NRAP: variants seen among roughly 807,000 people sequenced by gnomAD.
NRAP encodes nebulin related anchoring protein, also known as nebulin-related-anchoring protein.
Under a neutral mutation model 225.9 loss-of-function variants are expected in NRAP, and 189 were observed. The ratio of observed to expected loss-of-function variants is 0.84; its 90% CI spans 0.74 to 0.94. The LOEUF (loss-of-function observed/expected upper bound fraction) is 0.94, where lower values mean the gene tolerates loss of function less well. NRAP is among the 40% of genes least tolerant of loss of function. The pLI, the probability that NRAP is intolerant of heterozygous loss-of-function variation, is 0.00. For missense variants in NRAP, 2,176 were observed against 2,168.7 expected, an observed-to-expected ratio of 1.00 and a Z score of -0.07; for synonymous variants, 769 against 790.7, an observed-to-expected ratio of 0.97 and a Z score of 0.46.
rs765476004 is a variant in NRAP at position 113,614,202 on chromosome 10, G to T, written c.3281C>A (p.Ala1094Glu). 1 of 1,612,398 alleles carries T rather than the reference G, an allele frequency of 6.2e-7. No individual in the cohort carries two copies. The highest frequency in any genetic ancestry group is 8.5e-7 in the Non-Finnish European group (1 of 1,178,416). The change falls in exon 29 of 42, where the codon GCG (alanine) becomes GAG (glutamate). Residue 1094 changes from alanine to glutamate, a missense_variant. Ala to Glu is a moderately radical substitution (Grantham distance 107). Transcript: ENST00000359988. ...DDISLAHSVYATSLQSDVNYK... is the reference protein window; with the variant it reads ...DDISLAHSVYETSLQSDVNYK... The stretch of plus-strand genomic sequence containing the variant: ...ACTTACATCACTCTGCAGTGAGGTC[G>T]CATACACTGAATGTGCAAGGCTGAT...
intron 41 of NRAP, chr10:113,589,291 T>G: frequency 1.7e-6 from 1 of 585,818 alleles, no homozygotes; most frequent in Non-Finnish European, 3.0e-6. Context: ...CCTGGCTTCT[T>G]TCTTCTGAAC....
rs765512154 is a variant in NRAP at position 113,620,664 on chromosome 10, C to A, written c.2814G>T (p.Trp938Cys). The A allele has an allele frequency of 5.6e-6, 9 of 1,613,616 alleles. No homozygotes were observed. The South Asian group carries it at 8.8e-5, about 16-fold the overall frequency. ...CCACATTTAATGACCCGGTGGCGAC[C>A]CAGCCCATGCCTTTCATCCACTTCA... The part of the protein sequence containing the change: ...ADVKWMKGMG[W>C]VATGSLNVEQ... Residue 938 changes from tryptophan to cysteine, a missense_variant, in exon 25 of 42, where the codon TGG (tryptophan) becomes TGT (cysteine). By Grantham distance (215) the Trp-to-Cys change is radical. Around this residue, in one of 3 missense-constraint regions of NRAP, gnomAD observed 1,708 missense variants for 1,695.5 expected, o/e 1.01. Coordinates refer to ENST00000359988, the MANE Select transcript of NRAP (RefSeq NM_198060.4).
At chr10:113,629,079 T>C in intron 19 of NRAP, 58 bp from the exon 20 acceptor site, 1 of 1,187,786 alleles carries the variant, frequency 8.4e-7, no homozygotes, top group Non-Finnish European at 1.3e-6. Flanking sequence ...CAGGACAAAG[T>C]TGATGGGAGA....
rs150124108 is a variant in NRAP at position 113,663,384 on chromosome 10, A to G, written c.135T>C (p.Phe45=). 2.5e-6 allele frequency: 4 copies of G among 1,613,130 alleles called. No individual in the cohort carries two copies. Among genetic ancestry groups the G allele is most frequent in the African/African-American group, 2.7e-5 (2 of 74,934 alleles). Residue 45 remains phenylalanine, a synonymous_variant, in exon 2 of 42, where the codon TTT becomes TTC. Coordinates refer to ENST00000359988, the MANE Select transcript of NRAP (RefSeq NM_198060.4). ...VCKMMLSVNN[F]VSHQKKPYCH... is the part of the protein sequence containing the mutation. Reference sequence around the variant, plus strand: ...AGTACGGCTTTTTCTGGTGACTCACAAAGTTATTAACAGACAGCATCATCT... The same window carrying G: ...AGTACGGCTTTTTCTGGTGACTCACGAAGTTATTAACAGACAGCATCATCT...
At position 113,622,025 on chromosome 10, in the gene NRAP, G is replaced by C; in HGVS notation, c.2613C>G (p.Cys871Trp). The C allele has an allele frequency of 6.2e-7, 1 of 1,614,228 alleles. No individual in the cohort carries two copies. Among genetic ancestry groups the C allele is most frequent in the Non-Finnish European group, 8.5e-7 (1 of 1,180,044 alleles). Residue 871 changes from cysteine to tryptophan, a missense_variant, in exon 24 of 42, where the codon TGC (cysteine) becomes TGG (tryptophan). Physicochemically the swap from Cys to Trp is radical, Grantham distance 215 (BLOSUM62 -2). Coordinates refer to ENST00000359988, the MANE Select transcript of NRAP (RefSeq NM_198060.4). ...GGTGGACCATGTCCAGGGAGACGTGGCATTGGGATTTGGTGTCCTCGAATC... is the reference window on the plus strand; with the variant it reads ...GGTGGACCATGTCCAGGGAGACGTGCCATTGGGATTTGGTGTCCTCGAATC... Reference protein sequence around the residue: ...KKGFEDTKSQCHVSLDMVHLV... With the variant: ...KKGFEDTKSQWHVSLDMVHLV...
In NRAP at chr10:113,589,735, G is replaced by T. The variant is rs1239762405; in HGVS notation, c.5019C>A (p.Tyr1673Ter). 2 of 1,614,192 alleles carry T rather than the reference G, an allele frequency of 1.2e-6. No homozygotes were observed. Among genetic ancestry groups the T allele is most frequent in the South Asian group, 1.1e-5 (1 of 91,086 alleles). The change falls in exon 41 of 42, where the codon TAC (tyrosine) becomes TAA (stop). Residue 1673 changes from tyrosine to a stop codon, truncating the protein, a stop_gained. Coordinates refer to ENST00000359988, the MANE Select transcript of NRAP (RefSeq NM_198060.4). LOFTEE classifies it high-confidence loss of function. ...RGVGWTPPGSYKVEMARRAAE... is the reference protein window; with the variant it reads ...RGVGWTPPGS Reference sequence around the variant, plus strand: ...CAGCCCGCCGAGCCATTTCCACTTTGTAGGAGCCAGGAGGGGTCCAGCCAA... The same window carrying T: ...CAGCCCGCCGAGCCATTTCCACTTTTTAGGAGCCAGGAGGGGTCCAGCCAA...
Position 113,663,898 on chromosome 10 carries a change from G to C in NRAP, c.-16C>G, listed in dbSNP as rs1850857174. On this transcript the variant is annotated 5_prime_UTR_variant, in exon 1 of 42. Transcript: ENST00000359988. ...GCACATTCATCTCGAAGCCGGAAGA[G>C]AGAGGACAAAGATAGGCAACAGGCA... 3.1e-6 allele frequency: 5 copies of C among 1,607,872 alleles called. No homozygotes were observed. The highest frequency in any genetic ancestry group is 1.3e-5 in the African/African-American group (1 of 74,794).
Position 113,592,175 on chromosome 10 carries a change from G to A in NRAP, c.4644+19C>T. On this transcript the variant is annotated intron_variant, in intron 39 of 41. Transcript: ENST00000359988. ...GAAAAACTCATCAGTGACCGCAGGA[G>A]AGAACATGGGGGTCTTACATCACTG... is the stretch of plus-strand genomic sequence containing the variant. 6.7e-7 allele frequency: 1 copy of A among 1,499,306 alleles called. No individual in the cohort carries two copies. The highest frequency in any genetic ancestry group is 9.2e-7 in the Non-Finnish European group (1 of 1,084,564). The allele number at this position is 1,499,306 out of a possible 1,614,324, so 92.9% of individuals were successfully genotyped here.
In NRAP at chr10:113,624,938, G is replaced by A. The variant is rs766878770; in HGVS notation, c.2245-8C>T. On this transcript the variant is annotated splice_polypyrimidine_tract_variant and splice_region_variant and intron_variant, in intron 21 of 41. Coordinates refer to ENST00000359988, the MANE Select transcript of NRAP (RefSeq NM_198060.4). ...TCCTGCCTTGTAGGCCACCTGTTGG[G>A]AAAGAGCACTGAGTCAGGAGCAGGT... 189 of 1,594,144 alleles carry A rather than the reference G, an allele frequency of 1.2e-4. No individual in the cohort carries two copies. The highest frequency in any genetic ancestry group is 8.3e-5 in the Admixed American group (5 of 59,970).
chr10:113,627,133 T>G (rs1014957288), intron 20 of NRAP, among the ~76,000 whole-genome samples: 6 of 152,174 alleles, frequency 3.9e-5, no homozygotes, highest in Admixed American at 2.0e-4. Flanking sequence ...ATTTTCTGCC[T>G]TTAGGGGAAA....
rs115425564 is a variant in NRAP at position 113,633,569 on chromosome 10, A to C, written c.1528-381T>G. 3.2e-3 allele frequency among the ~76,000 whole-genome samples: 483 copies of C among 152,296 alleles called. 3 individuals are homozygous for C. The highest frequency in any genetic ancestry group is 0.011 in the African/African-American group (464 of 41,554). ...ATGACAAAAATCCATCTTAAATCAC[A>C]CACACAAAAGACAGCCAACCAGATA... On this transcript the variant is annotated intron_variant, in intron 15 of 41. Coordinates refer to ENST00000359988, the MANE Select transcript of NRAP (RefSeq NM_198060.4).
At chr10:113,653,087 T>C (rs762677607) in intron 5 of NRAP, 48 bp from the exon 6 acceptor site, 3 of 1,061,252 alleles carry the variant, frequency 2.8e-6, no homozygotes, top group African/African-American at 3.5e-5. Flanking sequence ...TGATATTGAA[T>C]GACAACTAAG....
chr10:113,602,461 A>T (rs1846665818), intron 35 of NRAP, among the ~76,000 whole-genome samples: 1 of 152,132 alleles, frequency 6.6e-6, no homozygotes, highest in Non-Finnish European at 1.5e-5. Context: ...TAGCAAATGG[A>T]AGGACTTTGT....
At position 113,614,178 on chromosome 10, in the gene NRAP, C is replaced by T; in HGVS notation, c.3300+5G>A. ...GCAGCCGCTGATGCCTCTCCCCCCACTTACATCACTCTGCAGTGAGGTCGC... is the reference window on the plus strand; with the variant it reads ...GCAGCCGCTGATGCCTCTCCCCCCATTTACATCACTCTGCAGTGAGGTCGC... On this transcript the variant is annotated splice_donor_5th_base_variant and intron_variant, in intron 29 of 41. Transcript: ENST00000359988. The T allele has an allele frequency of 6.3e-7, 1 of 1,597,914 alleles. No individual in the cohort carries two copies. Among genetic ancestry groups the T allele is most frequent in the Non-Finnish European group, 8.6e-7 (1 of 1,165,122 alleles).
At position 113,598,841 on chromosome 10, in the gene NRAP, T is replaced by C. The variant is rs180709867; in HGVS notation, c.4228-768A>G. Reference sequence around the variant, plus strand: ...ATAGGCTAAGCCTTATTTTCTTTCCTCATTTTAAGAGCTCAGAAGTTTAGG... The same window carrying C: ...ATAGGCTAAGCCTTATTTTCTTTCCCCATTTTAAGAGCTCAGAAGTTTAGG... On this transcript the variant is annotated intron_variant, in intron 35 of 41. Coordinates refer to ENST00000359988, the MANE Select transcript of NRAP (RefSeq NM_198060.4). Among the ~76,000 whole-genome samples the C allele has an allele frequency of 1.3e-3, 202 of 152,346 alleles. 1 individual carries two copies. Among genetic ancestry groups the C allele is most frequent in the Middle Eastern group, 6.8e-3 (2 of 294 alleles).
At chr10:113,620,833 C>G (rs1161183396) in intron 24 of NRAP, 125 bp from the exon 25 acceptor site, 3 of 694,672 alleles carry the variant, frequency 4.3e-6, no homozygotes, top group Non-Finnish European at 5.1e-6. Flanking sequence ...CCACTTTTGT[C>G]TTATGCATTT....
At chr10:113,658,873 C>T (rs545821305) in intron 3 of NRAP, among the ~76,000 whole-genome samples, 2 of 141,134 alleles carry the variant, frequency 1.4e-5, no homozygotes, top group African/African-American at 5.5e-5. Context: ...CAGAGTGAGA[C>T]CCTGTCTCAA....
At chr10:113,636,584 T>C (rs1848881590) in intron 14 of NRAP, among the ~76,000 whole-genome samples, 1 of 152,128 alleles carries the variant, frequency 6.6e-6, no homozygotes, top group African/African-American at 2.4e-5. Context: ...CTCTAGGAGA[T>C]TGTTGTGATG....
chr10:113,601,405 G>C (rs997831755), intron 35 of NRAP, among the ~76,000 whole-genome samples: 15 of 152,210 alleles, frequency 9.9e-5, no homozygotes, highest in Admixed American at 6.5e-4. Flanking sequence ...TGGGAGTTTT[G>C]ATAATGGCTG....
Sources: allele counts gnomAD v4.1 joint callset (sites outside exome capture counted in the v4.1 genomes callset), GRCh38; gene constraint gnomAD v4.1.1; regional missense constraint gnomAD v4.1.1; transcripts MANE v1.5; gene names NCBI Gene and HGNC (gene_info 2026-07-23, HGNC 2026-07-21).